BCAS1: variants seen among roughly 807,000 people sequenced by gnomAD.
BCAS1 encodes the protein brain enriched myelin associated protein 1.
BCAS1 carries 46 observed loss-of-function variants against 65.4 expected under a neutral mutation model. That is an observed-to-expected ratio of 0.70 (90% CI 0.55 to 0.90). The LOEUF is 0.90. Ranked by LOEUF, BCAS1 falls within the 40% of genes least tolerant of loss-of-function variation. The pLI is 0.00. For synonymous variants in BCAS1, 298 were observed against 293.5 expected (o/e 1.02, Z -0.16); for missense variants, 793 against 771.2 (o/e 1.03, Z -0.33).
intron 3 of BCAS1, among the ~76,000 whole-genome samples, chr20:54,044,433 T>TGA (rs1395302225): frequency 6.6e-6 from 1 of 152,236 alleles, no homozygotes; most frequent in African/African-American, 2.4e-5. Flanking sequence ...TCAGACTGTA[T>TGA]GAGTCATGGA....
chr20:54,051,884 G>C (rs1403359665), intron 3 of BCAS1, among the ~76,000 whole-genome samples: 1 of 151,934 alleles, frequency 6.6e-6, no homozygotes, highest in Non-Finnish European at 1.5e-5. Flanking sequence ...GATTACAGAC[G>C]TGTGTCACCA....
intron 4 of BCAS1, among the ~76,000 whole-genome samples, chr20:54,025,131 ACT>A (rs1304629000): frequency 1.3e-5 from 2 of 152,204 alleles, no homozygotes; most frequent in Admixed American, 6.5e-5. Flanking sequence ...ATCTTATGAA[ACT>A]CTGCATGGCA....
intron 3 of BCAS1, among the ~76,000 whole-genome samples, chr20:54,029,967 G>A (rs2091764641): frequency 6.6e-6 from 1 of 152,166 alleles, no homozygotes; most frequent in African/African-American, 2.4e-5. Context: ...AAGGCTGGAA[G>A]AGCAGATATC....
At chr20:53,964,672 T>C (rs1266589041) in intron 10 of BCAS1, among the ~76,000 whole-genome samples, 1 of 152,226 alleles carries the variant, frequency 6.6e-6, no homozygotes, top group African/African-American at 2.4e-5. Context: ...ACTTACCCAT[T>C]TTCTACTGCC....
intron 3 of BCAS1, among the ~76,000 whole-genome samples, chr20:54,043,565 G>A (rs1363647234): frequency 6.6e-6 from 1 of 152,154 alleles, no homozygotes; most frequent in Non-Finnish European, 1.5e-5. Context: ...GCTGTGTGGA[G>A]CCCTATAAAC....
chr20:54,047,567 T>G (rs2092131934), intron 3 of BCAS1, among the ~76,000 whole-genome samples: 1 of 152,208 alleles, frequency 6.6e-6, no homozygotes, highest in Non-Finnish European at 1.5e-5. Flanking sequence ...CACAAGGAGC[T>G]GTTGGGCCAT....
At chr20:54,017,425 T>TCG (rs1325558327) in intron 4 of BCAS1, among the ~76,000 whole-genome samples, 1 of 150,706 alleles carries the variant, frequency 6.6e-6, no homozygotes, top group Non-Finnish European at 1.5e-5. Flanking sequence ...AGGTGGAGTC[T>TCG]CGCTCTGTTG....
chr20:53,963,672 C>T (rs1270388509), intron 10 of BCAS1, among the ~76,000 whole-genome samples: 1 of 152,186 alleles, frequency 6.6e-6, no homozygotes, highest in Non-Finnish European at 1.5e-5. Flanking sequence ...TCAACATCCC[C>T]AACCGCTCAA....
At chr20:54,067,975 C>G (rs2092465108) in intron 1 of BCAS1, among the ~76,000 whole-genome samples, 1 of 152,230 alleles carries the variant, frequency 6.6e-6, no homozygotes, top group African/African-American at 2.4e-5. Context: ...GAAAGAACAA[C>G]CCCGCTTTGC....
At chr20:53,992,098 C>T (rs2090775277) in intron 7 of BCAS1, among the ~76,000 whole-genome samples, 1 of 152,130 alleles carries the variant, frequency 6.6e-6, no homozygotes, top group Admixed American at 6.5e-5. Context: ...TTAATGCTTA[C>T]CTTCCTCTTA....
At chr20:53,994,942 G>T in intron 6 of BCAS1, 70 bp downstream of exon 6, 1 of 1,328,296 alleles carries the variant, frequency 7.5e-7, no homozygotes, top group Non-Finnish European at 1.1e-6. Context: ...AAACAAGCAG[G>T]CAGACACAAA....
At chr20:54,018,928 G>C (rs6127060) in intron 4 of BCAS1, among the ~76,000 whole-genome samples, 27,387 of 152,068 alleles carry the variant, frequency 0.18, 2,587 homozygotes, top group East Asian at 0.35. Context: ...ATTCTGTCTG[G>C]AAATATAGGG....
At chr20:53,952,760 C>A (rs1443386288) in intron 12 of BCAS1, among the ~76,000 whole-genome samples, 1 of 152,192 alleles carries the variant, frequency 6.6e-6, no homozygotes, top group Non-Finnish European at 1.5e-5. Flanking sequence ...AAGGCAAACA[C>A]CTCATTGTAC....
rs1043918388 is a variant in BCAS1 at position 54,028,485 on chromosome 20, G to A, written c.630C>T (p.Asp210=). The change falls in exon 4 of 13, where the codon GAC becomes GAT. Residue 210 remains aspartate, a synonymous_variant. Transcript: ENST00000688948. ...CTGCCCTCTTGGCTTCCTGTTGGCT[G>A]TCACCTGGCACCTTTTCCTGTCCCT... ...LDKGQEKVPG[D]SQQEAKRAEH... The A allele has an allele frequency of 2.5e-6, 4 of 1,614,090 alleles. No individual in the cohort carries two copies. The highest frequency in any genetic ancestry group is 2.7e-5 in the African/African-American group (2 of 74,946).
intron 9 of BCAS1, among the ~76,000 whole-genome samples, chr20:53,969,848 C>T (rs761820260): frequency 3.3e-5 from 5 of 152,176 alleles, no homozygotes; most frequent in African/African-American, 7.2e-5. Context: ...TTTTGATCCC[C>T]TACCTCAGGG....
chr20:53,957,400 C>T, intron 11 of BCAS1, 32 bp downstream of exon 11: 1 of 1,585,654 alleles, frequency 6.3e-7, no homozygotes. Flanking sequence ...CACCACTAAT[C>T]CCACCACCAA....
intron 8 of BCAS1, among the ~76,000 whole-genome samples, chr20:53,977,632 A>G (rs2090367992): frequency 6.6e-6 from 1 of 152,200 alleles, no homozygotes; most frequent in African/African-American, 2.4e-5. Flanking sequence ...TCCATCACCA[A>G]TGTAGATGAT....
intron 3 of BCAS1, among the ~76,000 whole-genome samples, chr20:54,035,216 C>T (rs1273170177): frequency 6.7e-5 from 10 of 150,346 alleles, no homozygotes; most frequent in African/African-American, 1.9e-4. Flanking sequence ...ATCGAGAACA[C>T]GGTGAAACCC....
At position 53,953,522 on chromosome 20, in the gene BCAS1, C is replaced by T. The variant is rs755899013; in HGVS notation, c.1725G>A (p.Thr575=). 73 of 1,613,802 alleles carry T rather than the reference C, an allele frequency of 4.5e-5. No homozygotes were observed. Among genetic ancestry groups the T allele is most frequent in the East Asian group, 1.1e-4 (5 of 44,866 alleles). The change falls in exon 12 of 13, where the codon ACG becomes ACA. Residue 575 remains threonine, a synonymous_variant. Transcript: ENST00000688948. ...KEPAQCTEQA[T]VDTNSLQNGD... The stretch of plus-strand genomic sequence containing the variant: ...CATTCTGCAGTGAGTTCGTGTCCAC[C>T]GTGGCCTGCTCTGTGCACTGGGCTG...
Sources: allele counts gnomAD v4.1 joint callset (sites outside exome capture counted in the v4.1 genomes callset), GRCh38; gene constraint gnomAD v4.1.1; transcripts MANE v1.5; gene names NCBI Gene and HGNC (gene_info 2026-07-23, HGNC 2026-07-21).